The following CPLANE1 variants were observed in gnomAD, a reference collection of about 807,000 sequenced individuals.
The protein encoded by CPLANE1 is ciliogenesis and planar polarity effector complex subunit 1.
A neutral mutation model predicts 362.5 loss-of-function variants in CPLANE1; 263 were observed. That is an observed-to-expected ratio of 0.73 (90% CI 0.66 to 0.80). The LOEUF is 0.80. Ranked by LOEUF, CPLANE1 falls within the 30% of genes least tolerant of loss-of-function variation. The pLI is 0.00. For synonymous variants in CPLANE1, 1,212 were observed against 1,302.6 expected (o/e 0.93, Z 1.50); for missense variants, 3,461 against 3,793.4 (o/e 0.91, Z 2.30).
At position 37,197,266 on chromosome 5, in the gene CPLANE1, C is replaced by T. The variant is rs530945063; in HGVS notation, c.3673-1270G>A. ...GAAGGAAGCATTAACAGCAGGCTTG[C>T]AATTGATTTTCTCCTGCTAGTGTCA... On this transcript the variant is annotated intron_variant, in intron 20 of 52. Transcript: ENST00000651892. 2.6e-5 allele frequency among the ~76,000 whole-genome samples: 4 copies of T among 152,250 alleles called. No homozygotes were observed. The East Asian group carries it at 5.8e-4, about 22-fold the overall frequency.
intron 21 of CPLANE1, among the ~76,000 whole-genome samples, chr5:37,190,258 G>C (rs983593497): frequency 6.6e-6 from 1 of 151,964 alleles, no homozygotes; most frequent in African/African-American, 2.4e-5. Context: ...ATGGGGGCAA[G>C]GAAACTTTTA....
In CPLANE1 at chr5:37,244,500, T is replaced by C; in HGVS notation, c.445A>G (p.Ile149Val). 1.3e-6 allele frequency: 2 copies of C among 1,551,978 alleles called. No homozygotes were observed. The highest frequency in any genetic ancestry group is 2.4e-5 in the South Asian group (2 of 84,060). The change falls in exon 5 of 53, where the codon ATC becomes GTC. Residue 149 changes from isoleucine (I) to valine (V), a missense_variant. Ile to Val is a conservative substitution (Grantham distance 29). Around this residue, in one of 2 missense-constraint regions of CPLANE1, gnomAD observed 3,380 missense variants for 3,666.1 expected, o/e 0.92. Transcript: ENST00000651892. The stretch of plus-strand genomic sequence containing the variant: ...AATGAAAGGCTTTTAGAAGATAAGA[T>C]ATTCTTTAATTCCAAATATTCCCAA... ...FLWEYLELKN[I>V]LSSKSLSLAG...
intron 36 of CPLANE1, among the ~76,000 whole-genome samples, chr5:37,164,873 G>A (rs1030820375): frequency 6.6e-6 from 1 of 152,144 alleles, no homozygotes; most frequent in African/African-American, 2.4e-5. Flanking sequence ...AGGAGGCTGA[G>A]GTGGAAGGAT....
At chr5:37,216,058 A>T (rs921355052) in intron 15 of CPLANE1, among the ~76,000 whole-genome samples, 1 of 151,800 alleles carries the variant, frequency 6.6e-6, no homozygotes, top group Non-Finnish European at 1.5e-5. Flanking sequence ...GCTGGTCTTG[A>T]ACTCCTGAGC....
intron 16 of CPLANE1, 56 bp from the exon 17 acceptor site, chr5:37,206,481 T>C: frequency 9.1e-7 from 1 of 1,095,444 alleles, no homozygotes; most frequent in Non-Finnish European, 1.4e-6. Flanking sequence ...CTCATGCTTC[T>C]TTACATGGGC....
intron 41 of CPLANE1, among the ~76,000 whole-genome samples, chr5:37,155,427 T>C (rs1774800140): frequency 6.6e-6 from 1 of 152,184 alleles, no homozygotes; most frequent in South Asian, 2.1e-4. Flanking sequence ...CAGGCTGGAG[T>C]GCAGTGGTGA....
chr5:37,230,221 G>T (rs12186733), intron 9 of CPLANE1, among the ~76,000 whole-genome samples: 10,824 of 121,964 alleles, frequency 0.089, 499 homozygotes, highest in Non-Finnish European at 0.11. Flanking sequence ...TTTAAAAATT[G>T]AAAAAAAAAA....
At chr5:37,199,136 G>C (rs1788443758) in intron 19 of CPLANE1, among the ~76,000 whole-genome samples, 1 of 148,822 alleles carries the variant, frequency 6.7e-6, no homozygotes, top group Admixed American at 6.7e-5. Context: ...GGCTAATGAT[G>C]CTCACTGCTT....
chr5:37,179,024 G>A (rs1459669557), intron 29 of CPLANE1, among the ~76,000 whole-genome samples: 26 of 152,170 alleles, frequency 1.7e-4, no homozygotes, highest in Admixed American at 1.6e-3. Flanking sequence ...GCCTCCCAAA[G>A]TGCTGGGATT....
At position 37,243,082 on chromosome 5, in the gene CPLANE1, TA is replaced by T; in HGVS notation, c.607del (p.Tyr203IlefsTer6). The T allele has an allele frequency of 6.5e-7, 1 of 1,547,682 alleles. No homozygotes were observed. The highest frequency in any genetic ancestry group is 8.7e-7 in the Non-Finnish European group (1 of 1,145,198). Reference sequence around the variant, plus strand: ...TGTTAACTTCAGGCATTCCCCAGAATAAAAAGTAAATGAACACAGGCAGCAG... The same window carrying T: ...TGTTAACTTCAGGCATTCCCCAGAATAAAAGTAAATGAACACAGGCAGCAG... Reference protein sequence around the residue: ...GDCCLCSFTFYSGECLKLTFL... With the variant: ...GDCCLCSFTFXSGECLKLTFL... On this transcript the variant is annotated frameshift_variant, in exon 6 of 53. Transcript: ENST00000651892.
In CPLANE1 at chr5:37,226,866, G is replaced by A; in HGVS notation, c.1729C>T (p.Leu577Phe). ...GAAATTCCTATAGTCCACGCTGCAAGTAGACTTTTCTGGATAGAATGCAGT... is the reference window on the plus strand; with the variant it reads ...GAAATTCCTATAGTCCACGCTGCAAATAGACTTTTCTGGATAGAATGCAGT... ...TELHSIQKSL[L>F]AAWTIGISKT... is the part of the protein sequence containing the mutation. The change falls in exon 12 of 53, where the codon CTT (leucine) becomes TTT (phenylalanine). Residue 577 changes from leucine to phenylalanine, a missense_variant. Physicochemically the swap from Leu to Phe is conservative, Grantham distance 22. This residue lies in a region of CPLANE1 where 3,380 missense variants were observed against 3,666.1 expected (regional missense o/e 0.92). Transcript: ENST00000651892. The A allele has an allele frequency of 4.5e-6, 7 of 1,551,324 alleles. No homozygotes were observed. The highest frequency in any genetic ancestry group is 6.1e-6 in the Non-Finnish European group (7 of 1,146,884).
intron 21 of CPLANE1, among the ~76,000 whole-genome samples, chr5:37,194,334 T>C (rs562401324): frequency 6.6e-6 from 1 of 152,270 alleles, no homozygotes; most frequent in East Asian, 1.9e-4. Flanking sequence ...ATATTAAAAA[T>C]ATGTGTTCAA....
chr5:37,187,525 A>G lies in CPLANE1; in HGVS notation c.3969T>C (p.Ser1323=), dbSNP rs559993302. 9 of 1,613,048 alleles carry G rather than the reference A, an allele frequency of 5.6e-6. No individual in the cohort carries two copies. In the African/African-American group the frequency reaches 8.0e-5, roughly 14 times the overall value. The change falls in exon 23 of 53, where the codon AGT becomes AGC. Residue 1323 remains serine, a synonymous_variant. Transcript: ENST00000651892. ...FDSCMIEHCL[S]AVEWAYRMLP... is the part of the protein sequence containing the mutation. ...GCATTCTATAAGCCCATTCCACTGC[A>G]CTAAGACAGTGCTCAATCATACAAG...
chr5:37,206,579 A>G (rs1172484354), intron 16 of CPLANE1, among the ~76,000 whole-genome samples, 154 bp from the exon 17 acceptor site: 1 of 152,214 alleles, frequency 6.6e-6, no homozygotes, highest in African/African-American at 2.4e-5. Flanking sequence ...AACATGCCCT[A>G]GAACACTTTT....
chr5:37,190,413 G>GAAA (rs11435905), intron 21 of CPLANE1, among the ~76,000 whole-genome samples: 1 of 136,670 alleles, frequency 7.3e-6, no homozygotes, highest in African/African-American at 2.7e-5. Context: ...ATGAAAAAAT[G>GAAA]AAAAAAAAAA....
the CPLANE1 span, among the ~76,000 whole-genome samples, chr5:37,078,335 C>T: frequency 6.6e-6 from 1 of 152,166 alleles, no homozygotes; most frequent in Non-Finnish European, 1.5e-5. Context: ...CTAAGGATAA[C>T]GGCCTCCAGC....
In CPLANE1 at chr5:37,108,457, A is replaced by G. The variant is rs1417559748; in HGVS notation, c.9415T>C (p.Cys3139Arg). 1 of 1,613,826 alleles carries G rather than the reference A, an allele frequency of 6.2e-7. No homozygotes were observed. Among genetic ancestry groups the G allele is most frequent in the Non-Finnish European group, 8.5e-7 (1 of 1,179,930 alleles). The change falls in exon 52 of 53, where the codon TGT becomes CGT. Residue 3139 changes from cysteine (C) to arginine (R), a missense_variant. Transcript: ENST00000651892. ...VTFQKGSNAP[C>R]HSLQHTKKHG... ...TTTTTTGTATGCTGCAGACTATGAC[A>G]CGGAGCATTAGAGCCTTTTAAGGGA...
At chr5:37,170,665 C>T (rs943324188) in intron 32 of CPLANE1, among the ~76,000 whole-genome samples, 1 of 152,156 alleles carries the variant, frequency 6.6e-6, no homozygotes, top group South Asian at 2.1e-4. Context: ...AGGCCGGGCA[C>T]AGTGGCTCAC....
chr5:37,123,837 A>T (rs1355210835), intron 47 of CPLANE1, among the ~76,000 whole-genome samples: 2 of 151,762 alleles, frequency 1.3e-5, no homozygotes, highest in African/African-American at 4.8e-5. Flanking sequence ...ATTTATTCTA[A>T]ATTTGGACAC....
Sources: gnomAD v4.1 joint callset for allele counts (sites outside exome capture counted in the v4.1 genomes callset) on GRCh38, gnomAD v4.1.1 for gene constraint, gnomAD v4.1.1 regional missense constraint, MANE v1.5 for transcripts, NCBI Gene and HGNC (gene_info 2026-07-23, HGNC 2026-07-21) for gene names.